The following ANK3 variants were observed in gnomAD, a reference collection of about 807,000 sequenced individuals.
ANK3 encodes the protein ankyrin-3.
ANK3 carries 57 observed loss-of-function variants against 370.9 expected under a neutral mutation model. That is an observed-to-expected ratio of 0.15 (90% CI 0.12 to 0.19). The LOEUF is 0.19. Among genes scored for constraint, ANK3 ranks in the 10% least tolerant of loss-of-function variants. ANK3 has a pLI of 1.00. For missense variants in ANK3, 4,439 were observed against 5,302.1 expected (o/e 0.84, Z 5.06); for synonymous variants, 1,929 against 1,946.3 (o/e 0.99, Z 0.23).
chr10:60,051,542 C>T, intron 42 of ANK3: 3 of 985,760 alleles, frequency 3.0e-6, no homozygotes, highest in Non-Finnish European at 3.6e-6. Context: ...GCTTGAATCA[C>T]TCTCACTGTC....
intron 2 of ANK3, among the ~76,000 whole-genome samples, chr10:60,468,448 G>A (rs2065060358): frequency 6.6e-6 from 1 of 151,962 alleles, no homozygotes; most frequent in African/African-American, 2.4e-5. Context: ...CAATAATTAG[G>A]CTGTACTCAT....
chr10:60,104,838 T>C (rs10821674), intron 28 of ANK3, among the ~76,000 whole-genome samples: 115,450 of 152,104 alleles, frequency 0.76, 44,487 homozygotes, highest in East Asian at 0.93. Flanking sequence ...ATTTCACATG[T>C]GCCTCACATA....
At chr10:60,578,795 C>G (rs2133276683) in intron 2 of ANK3, among the ~76,000 whole-genome samples, 1 of 152,130 alleles carries the variant, frequency 6.6e-6, no homozygotes, top group African/African-American at 2.4e-5. Flanking sequence ...TTGTTCATCT[C>G]CTAAAATAAA....
At chr10:60,648,759 G>C in intron 1 of ANK3, among the ~76,000 whole-genome samples, 1 of 88,732 alleles carries the variant, frequency 1.1e-5, no homozygotes, top group East Asian at 3.1e-4. Context: ...GACAGAATAA[G>C]ACTGTCTTAA....
intron 1 of ANK3, among the ~76,000 whole-genome samples, chr10:60,375,217 G>T (rs1031816394): frequency 1.3e-5 from 2 of 152,128 alleles, no homozygotes; most frequent in Non-Finnish European, 2.9e-5. Context: ...AATCAAGCAC[G>T]AGTACTAGGG....
At chr10:60,274,147 G>T (rs74362306) in intron 4 of ANK3, among the ~76,000 whole-genome samples, 7,637 of 152,076 alleles carry the variant, frequency 0.05, 649 homozygotes, top group African/African-American at 0.17. Flanking sequence ...TTTTTTATTT[G>T]TATTTTTGTG....
At chr10:60,358,869 T>A (rs2058186118) in intron 1 of ANK3, among the ~76,000 whole-genome samples, 1 of 152,172 alleles carries the variant, frequency 6.6e-6, no homozygotes, top group Non-Finnish European at 1.5e-5. Context: ...ATTTTTTATT[T>A]TAGTAATTCA....
chr10:60,442,553 A>G (rs985512749), intron 2 of ANK3, among the ~76,000 whole-genome samples: 1 of 152,062 alleles, frequency 6.6e-6, no homozygotes, highest in Non-Finnish European at 1.5e-5. Flanking sequence ...TTTTCAATCT[A>G]TGGTTGGTAG....
chr10:60,621,101 C>T (rs2078330575), intron 1 of ANK3, among the ~76,000 whole-genome samples: 1 of 152,194 alleles, frequency 6.6e-6, no homozygotes, highest in Non-Finnish European at 1.5e-5. Flanking sequence ...ACTGAAATAA[C>T]ACTGGTTAAA....
chr10:60,502,747 G>GGAGA (rs373507106), intron 2 of ANK3, among the ~76,000 whole-genome samples: 1 of 139,880 alleles, frequency 7.1e-6, no homozygotes, highest in Non-Finnish European at 1.5e-5. Flanking sequence ...AGAGAGGGAG[G>GGAGA]GAGAGAGAGA....
chr10:60,219,751 G>C (rs1296960871), intron 8 of ANK3, among the ~76,000 whole-genome samples: 1 of 152,082 alleles, frequency 6.6e-6, no homozygotes, highest in Non-Finnish European at 1.5e-5. Context: ...AACAAAATTT[G>C]ATTCAATACG....
intron 2 of ANK3, among the ~76,000 whole-genome samples, chr10:60,404,936 A>T (rs1321190670): frequency 6.6e-6 from 1 of 152,184 alleles, no homozygotes; most frequent in East Asian, 1.9e-4. Context: ...TGGTCAATAC[A>T]TACAGAGTTG....
rs368979877 is a variant in ANK3 at position 60,343,398 on chromosome 10, T to C, written c.114+46027A>G. ...CTCTCTAAGTTCAATGAGTAAAGAC[T>C]TAGGAATTTAAAGTTATAAACGTAA... On this transcript the variant is annotated intron_variant, in intron 1 of 43. Coordinates refer to ENST00000280772, the MANE Select transcript of ANK3 (RefSeq NM_020987.5). 2.0e-4 allele frequency among the ~76,000 whole-genome samples: 30 copies of C among 152,200 alleles called. No homozygotes were observed. The East Asian group carries it at 3.7e-3, about 19-fold the overall frequency.
At chr10:60,432,988 G>A (rs12146283) in intron 2 of ANK3, among the ~76,000 whole-genome samples, 23,044 of 152,102 alleles carry the variant, frequency 0.15, 1,782 homozygotes, top group South Asian at 0.17. Context: ...TGGCCACAGC[G>A]ATAGAGTCCC....
intron 42 of ANK3, among the ~76,000 whole-genome samples, chr10:60,053,089 TAA>T (rs1466411903): frequency 6.6e-6 from 1 of 152,208 alleles, no homozygotes; most frequent in African/African-American, 2.4e-5. Context: ...GAACTTGAAC[TAA>T]GTTTGCTATT....
chr10:60,273,921 T>C (rs2098042587), intron 4 of ANK3, among the ~76,000 whole-genome samples: 1 of 152,228 alleles, frequency 6.6e-6, no homozygotes, highest in Non-Finnish European at 1.5e-5. Flanking sequence ...TATGAGTCAA[T>C]TAAACTTCTT....
chr10:60,097,002 T>C (rs939550426), intron 28 of ANK3, among the ~76,000 whole-genome samples: 9 of 152,152 alleles, frequency 5.9e-5, no homozygotes, highest in African/African-American at 2.2e-4. Context: ...AATTCTCACA[T>C]ACAAAAAGAG....
At chr10:60,677,748 G>T (rs547054387) in intron 1 of ANK3, among the ~76,000 whole-genome samples, 1 of 142,486 alleles carries the variant, frequency 7.0e-6, no homozygotes, top group South Asian at 2.2e-4. Context: ...ACCTCACCTC[G>T]AGACTGAATC....
intron 1 of ANK3, among the ~76,000 whole-genome samples, chr10:60,381,634 T>C (rs924069315): frequency 2.0e-5 from 3 of 152,184 alleles, no homozygotes; most frequent in Admixed American, 6.5e-5. Context: ...CATTCTTGAC[T>C]ACAATCCCTC....
Sources: gnomAD v4.1 joint callset for allele counts (sites outside exome capture counted in the v4.1 genomes callset) on GRCh38, gnomAD v4.1.1 for gene constraint, MANE v1.5 for transcripts, NCBI Gene and HGNC (gene_info 2026-07-23, HGNC 2026-07-21) for gene names.